The following ATXN1 variants were observed in gnomAD, a reference collection of about 807,000 sequenced individuals.
ATXN1 encodes ataxin-1.
ATXN1 carries 8 observed loss-of-function variants against 56.4 expected under a neutral mutation model. That is an observed-to-expected ratio of 0.14 (90% CI 0.08 to 0.26). The LOEUF (loss-of-function observed/expected upper bound fraction) is 0.26, where lower values mean the gene tolerates loss of function less well. ATXN1 is among the 10% of genes least tolerant of loss of function. The pLI is 1.00. For missense variants in ATXN1, 987 were observed against 1,106.5 expected (o/e 0.89, Z 1.53); for synonymous variants, 514 against 494.6 (o/e 1.04, Z -0.52).
chr6:16,640,052 T>C (rs1253677836), intron 3 of ATXN1, among the ~76,000 whole-genome samples: 1 of 152,186 alleles, frequency 6.6e-6, no homozygotes, highest in Non-Finnish European at 1.5e-5. Context: ...TGTTGTCCTT[T>C]GCAGATACTG....
intron 5 of ATXN1, among the ~76,000 whole-genome samples, chr6:16,512,618 G>A (rs1761104262): frequency 6.6e-6 from 1 of 152,196 alleles, no homozygotes; most frequent in Non-Finnish European, 1.5e-5. Context: ...CGGTTAAAAA[G>A]TGAAGAGAAA....
At chr6:16,514,097 G>A (rs1761132407) in intron 5 of ATXN1, among the ~76,000 whole-genome samples, 1 of 152,070 alleles carries the variant, frequency 6.6e-6, no homozygotes, top group South Asian at 2.1e-4. Context: ...TACCACTAGA[G>A]CCAGGCAGCT....
At chr6:16,501,118 TATGCACGC>T (rs1263256772) in intron 5 of ATXN1, among the ~76,000 whole-genome samples, 2 of 152,234 alleles carry the variant, frequency 1.3e-5, no homozygotes, top group African/African-American at 4.8e-5. Context: ...AGTGTGCACA[TATGCACGC>T]ATGCACACAT....
intron 4 of ATXN1, among the ~76,000 whole-genome samples, chr6:16,529,138 C>T (rs979499352): frequency 6.8e-6 from 1 of 147,482 alleles, no homozygotes; most frequent in African/African-American, 2.5e-5. Flanking sequence ...GAGACTGTGC[C>T]ACTGCACTCC....
chr6:16,431,308 G>A (rs1348494203), intron 6 of ATXN1, among the ~76,000 whole-genome samples: 1 of 152,066 alleles, frequency 6.6e-6, no homozygotes. Flanking sequence ...ACATTCTGCT[G>A]GGGGGGATGT....
intron 6 of ATXN1, among the ~76,000 whole-genome samples, chr6:16,333,535 C>G (rs1761038021): frequency 6.6e-6 from 1 of 152,152 alleles, no homozygotes; most frequent in Non-Finnish European, 1.5e-5. Context: ...CATCTTAAAC[C>G]TAGGGCAAGA....
rs550141326 is a variant in ATXN1, at chr6:16,306,599, C to T, written c.2178G>A (p.Gln726=). 10 of 1,614,122 alleles carry T rather than the reference C, an allele frequency of 6.2e-6. No individual in the cohort carries two copies. In the East Asian group the frequency reaches 1.6e-4, roughly 25 times the overall value. ...LAGSRHRYAE[Q]ENGINQGSAQ... is the part of the protein sequence containing the mutation. ...CACTCCCCTGGTTGATTCCGTTTTCCTGCTCGGCATACCTGTGTCTGCTGC... is the reference window on the plus strand; with the variant it reads ...CACTCCCCTGGTTGATTCCGTTTTCTTGCTCGGCATACCTGTGTCTGCTGC... Residue 726 remains glutamine, a synonymous_variant, in exon 8 of 8, where the codon CAG becomes CAA. Coordinates refer to ENST00000436367, the MANE Select transcript of ATXN1 (RefSeq NM_001128164.2). The surrounding 1 kb of genome is among the most constrained non-coding windows in gnomAD (Gnocchi z 5.2).
intron 7 of ATXN1, among the ~76,000 whole-genome samples, chr6:16,318,588 T>C (rs992192015): frequency 6.6e-6 from 1 of 152,200 alleles, no homozygotes; most frequent in Non-Finnish European, 1.5e-5. Flanking sequence ...ACGCTTTGGC[T>C]GAGTGTAAGA....
At chr6:16,569,541 A>AAAG in intron 4 of ATXN1, among the ~76,000 whole-genome samples, 1 of 151,332 alleles carries the variant, frequency 6.6e-6, no homozygotes, top group East Asian at 1.9e-4. Context: ...AAAAAAAAAA[A>AAAG]AAAAACAGTT....
chr6:16,328,406 G>T lies in ATXN1; in HGVS notation c.-96C>A. The T allele has an allele frequency of 3.6e-6, 5 of 1,385,050 alleles. No homozygotes were observed. The highest frequency in any genetic ancestry group is 4.7e-6 in the Non-Finnish European group (5 of 1,072,560). 85.8% of individuals were successfully genotyped at this position (1,385,050 alleles called of 1,614,324 possible). ...AAAGTCACATTTGATTTCTGTAGGG[G>T]ATCCAGGCTCTTCATGAGGAATCAT... On this transcript the variant is annotated 5_prime_UTR_variant, in exon 7 of 8. Coordinates refer to ENST00000436367, the MANE Select transcript of ATXN1 (RefSeq NM_001128164.2). This position sits in a 1 kb window ranked among gnomAD's most constrained non-coding sequence, Gnocchi z 6.2.
At chr6:16,355,620 G>T (rs1761670775) in intron 6 of ATXN1, among the ~76,000 whole-genome samples, 1 of 151,738 alleles carries the variant, frequency 6.6e-6, no homozygotes, top group South Asian at 2.1e-4. Context: ...GGTGTGAAGT[G>T]GCACGATCTC....
intron 6 of ATXN1, among the ~76,000 whole-genome samples, chr6:16,389,780 A>G (rs1758315189): frequency 6.6e-6 from 1 of 152,236 alleles, no homozygotes; most frequent in Non-Finnish European, 1.5e-5. Context: ...TCTATTTCAA[A>G]TAAGTGGGAC....
chr6:16,417,990 G>T (rs954948273), intron 6 of ATXN1, among the ~76,000 whole-genome samples: 1 of 152,168 alleles, frequency 6.6e-6, no homozygotes, highest in South Asian at 2.1e-4. Flanking sequence ...TAAAAACTAT[G>T]AGAAGGAATG....
intron 6 of ATXN1, among the ~76,000 whole-genome samples, chr6:16,429,281 T>G (rs561800700): frequency 6.6e-6 from 1 of 151,940 alleles, no homozygotes; most frequent in East Asian, 1.9e-4. Flanking sequence ...TTTTCCTTAC[T>G]GACTGTAGAG....
chr6:16,462,883 A>C (rs1353603573), intron 6 of ATXN1, among the ~76,000 whole-genome samples: 4 of 152,036 alleles, frequency 2.6e-5, no homozygotes, highest in Admixed American at 6.6e-5. Flanking sequence ...CAGGGCCCCC[A>C]AAAATCATCA....
intron 6 of ATXN1, among the ~76,000 whole-genome samples, chr6:16,442,414 AG>A (rs1759537514): frequency 6.6e-6 from 1 of 152,214 alleles, no homozygotes; most frequent in Non-Finnish European, 1.5e-5. Context: ...GATGATTACA[AG>A]GAAACAATAT....
chr6:16,362,841 T>G (rs1307038939), intron 6 of ATXN1, among the ~76,000 whole-genome samples: 1 of 152,210 alleles, frequency 6.6e-6, no homozygotes, highest in Non-Finnish European at 1.5e-5. Flanking sequence ...GAGTGCCTAC[T>G]ACATATTAGT....
intron 2 of ATXN1, among the ~76,000 whole-genome samples, chr6:16,677,446 C>T (rs1758711353): frequency 6.6e-6 from 1 of 152,086 alleles, no homozygotes; most frequent in Non-Finnish European, 1.5e-5. Context: ...ATTTTTCAGG[C>T]CATTGCTTAT....
At chr6:16,421,362 C>A (rs933217459) in intron 6 of ATXN1, among the ~76,000 whole-genome samples, 2 of 152,090 alleles carry the variant, frequency 1.3e-5, no homozygotes, top group Admixed American at 6.5e-5. Context: ...AGAATGAAAT[C>A]ATTTACTGAA....
Sources: allele counts gnomAD v4.1 joint callset (sites outside exome capture counted in the v4.1 genomes callset), GRCh38; gene constraint gnomAD v4.1.1; non-coding constraint Gnocchi (gnomAD v3.1); transcripts MANE v1.5; gene names NCBI Gene and HGNC (gene_info 2026-07-23, HGNC 2026-07-21).